The following MGAT5 variants were observed in gnomAD, a reference collection of about 807,000 sequenced individuals.
The protein encoded by MGAT5 is alpha-1,6-mannosylglycoprotein 6-beta-N-acetylglucosaminyltransferase A.
A neutral mutation model predicts 94.3 loss-of-function variants in MGAT5; 30 were observed. That is an observed-to-expected ratio of 0.32 (90% confidence interval 0.24 to 0.43). MGAT5 has a LOEUF of 0.43. Among genes scored for constraint, MGAT5 ranks in the 20% least tolerant of loss-of-function variants. The pLI, the probability that MGAT5 is intolerant of heterozygous loss-of-function variation, is 1.00. For synonymous variants in MGAT5, 310 were observed against 322.9 expected (o/e 0.96, Z 0.43); for missense variants, 691 against 905.5 (o/e 0.76, Z 3.04).
At chr2:134,378,337 G>A (rs1681318677) in intron 10 of MGAT5, among the ~76,000 whole-genome samples, 3 of 152,168 alleles carry the variant, frequency 2.0e-5, no homozygotes, top group African/African-American at 7.2e-5. Context: ...GCCCATAGCA[G>A]GGTTCTCATC....
intron 1 of MGAT5, among the ~76,000 whole-genome samples, chr2:134,171,751 T>C (rs1361881386): frequency 6.6e-6 from 1 of 152,222 alleles, no homozygotes; most frequent in Middle Eastern, 3.2e-3. Flanking sequence ...AAGTGATTCC[T>C]ATTCTAAAGT....
At chr2:134,355,903 G>C (rs1254991488) in intron 9 of MGAT5, among the ~76,000 whole-genome samples, 2 of 152,120 alleles carry the variant, frequency 1.3e-5, no homozygotes, top group African/African-American at 4.8e-5. Flanking sequence ...CCTGGTTTCA[G>C]ATCTCAGACC....
chr2:134,262,951 A>G (rs772402755), intron 1 of MGAT5, among the ~76,000 whole-genome samples: 6 of 152,222 alleles, frequency 3.9e-5, no homozygotes, highest in Non-Finnish European at 5.9e-5. Context: ...TGTGGTTGTC[A>G]TTGCCCTGTT....
chr2:134,136,176 C>G (rs938293112), intron 1 of MGAT5, among the ~76,000 whole-genome samples: 11 of 152,232 alleles, frequency 7.2e-5, no homozygotes, highest in African/African-American at 2.6e-4. Context: ...TATTCATCAC[C>G]ACTTTGAAAT....
intron 15 of MGAT5, among the ~76,000 whole-genome samples, chr2:134,442,760 T>C (rs962872981): frequency 2.6e-5 from 4 of 152,176 alleles, no homozygotes; most frequent in African/African-American, 7.2e-5. Context: ...TCTCTCAATT[T>C]TTATCACACC....
At chr2:134,229,582 A>G (rs1176728244) in intron 1 of MGAT5, among the ~76,000 whole-genome samples, 3 of 152,250 alleles carry the variant, frequency 2.0e-5, no homozygotes, top group Admixed American at 6.5e-5. Flanking sequence ...ATATGTTAAA[A>G]ATGCCACAGA....
intron 1 of MGAT5, among the ~76,000 whole-genome samples, chr2:134,267,896 C>T (rs1683815050): frequency 6.6e-6 from 1 of 152,244 alleles, no homozygotes. Flanking sequence ...TGTAACCTCT[C>T]TATCACAGTT....
intron 1 of MGAT5, among the ~76,000 whole-genome samples, chr2:134,269,423 A>T (rs955593385): frequency 1.3e-5 from 2 of 152,014 alleles, no homozygotes; most frequent in Non-Finnish European, 2.9e-5. Context: ...TGCTACCCAC[A>T]CTGTGCACTT....
At chr2:134,357,619 C>A (rs1374505314) in intron 9 of MGAT5, among the ~76,000 whole-genome samples, 1 of 152,166 alleles carries the variant, frequency 6.6e-6, no homozygotes, top group African/African-American at 2.4e-5. Context: ...AGGGCTCTTG[C>A]CTTTAAGTTC....
intron 1 of MGAT5, among the ~76,000 whole-genome samples, chr2:134,219,692 C>G (rs1243945711): frequency 2.0e-5 from 3 of 152,152 alleles, no homozygotes; most frequent in Non-Finnish European, 4.4e-5. Flanking sequence ...CCTAACTACT[C>G]AGTAAATGGA....
chr2:134,288,497 A>G (rs909729779), intron 2 of MGAT5, among the ~76,000 whole-genome samples: 3 of 151,154 alleles, frequency 2.0e-5, no homozygotes, highest in Non-Finnish European at 2.9e-5. Context: ...AATCTAGAAT[A>G]TTTACCATCT....
chr2:134,447,262 T>C (rs902820331), intron 15 of MGAT5, among the ~76,000 whole-genome samples: 1 of 152,038 alleles, frequency 6.6e-6, no homozygotes, highest in Admixed American at 6.5e-5. Context: ...CCAAGTGAAA[T>C]AGAAATGGTT....
intron 1 of MGAT5, among the ~76,000 whole-genome samples, chr2:134,120,638 G>C (rs575883091): frequency 6.6e-6 from 1 of 151,944 alleles, no homozygotes; most frequent in Admixed American, 6.5e-5. Flanking sequence ...CTCTGGTTGC[G>C]CGGGCTGGAG....
In MGAT5 at chr2:134,426,545, A is replaced by G. The variant is rs1044293185; in HGVS notation, c.1795-1820A>G. 4.6e-5 allele frequency among the ~76,000 whole-genome samples: 7 copies of G among 152,146 alleles called. No homozygotes were observed. The East Asian group carries it at 1.2e-3, about 25-fold the overall frequency. ...TTCATCTCATGAAAGATGACCATGG[A>G]TGTTTATTTCACTGTACAAATCCTA... On this transcript the variant is annotated intron_variant, in intron 13 of 15. Coordinates refer to ENST00000281923, the MANE Select transcript of MGAT5 (RefSeq NM_002410.5).
intron 12 of MGAT5, among the ~76,000 whole-genome samples, chr2:134,419,038 CT>C (rs1232711147): frequency 6.6e-6 from 1 of 152,190 alleles, no homozygotes; most frequent in African/African-American, 2.4e-5. Flanking sequence ...TAGAAATTAT[CT>C]TTTTTCCTTA....
At chr2:134,289,310 T>A (rs1442403814) in intron 2 of MGAT5, among the ~76,000 whole-genome samples, 1 of 152,180 alleles carries the variant, frequency 6.6e-6, no homozygotes, top group Middle Eastern at 3.2e-3. Context: ...TGGGGAACGC[T>A]TTTCTCTTCC....
intron 2 of MGAT5, among the ~76,000 whole-genome samples, chr2:134,311,006 T>A (rs1263962007): frequency 6.6e-6 from 1 of 152,230 alleles, no homozygotes; most frequent in African/African-American, 2.4e-5. Context: ...TCATATCAGG[T>A]GTGCCAAGAG....
intron 10 of MGAT5, among the ~76,000 whole-genome samples, chr2:134,364,828 G>A (rs1425157561): frequency 4.6e-5 from 7 of 152,246 alleles, no homozygotes; most frequent in Admixed American, 3.3e-4. Flanking sequence ...CTAGAACACG[G>A]CACAGTATGT....
At chr2:134,280,188 G>A (rs1684605535) in intron 2 of MGAT5, among the ~76,000 whole-genome samples, 1 of 152,132 alleles carries the variant, frequency 6.6e-6, no homozygotes, top group African/African-American at 2.4e-5. Flanking sequence ...AGCAATGCGG[G>A]GTGAAGATGG....
Sources: allele counts gnomAD v4.1 joint callset (sites outside exome capture counted in the v4.1 genomes callset), GRCh38; gene constraint gnomAD v4.1.1; transcripts MANE v1.5; gene names NCBI Gene and HGNC (gene_info 2026-07-23, HGNC 2026-07-21).